Variants in SEMA3D observed in about 807,000 individuals in gnomAD.
SEMA3D encodes the protein semaphorin-3D.
A neutral mutation model predicts 100.1 loss-of-function variants in SEMA3D; 84 were observed. That is an observed-to-expected ratio of 0.84 (90% CI 0.70 to 1.01). The LOEUF is 1.01. SEMA3D is among the 50% of genes least tolerant of loss of function. SEMA3D has a pLI of 0.00. For missense variants in SEMA3D, 875 were observed against 934.1 expected (o/e 0.94, Z 0.82); for synonymous variants, 312 against 320.7 (o/e 0.97, Z 0.29).
At chr7:85,076,512 C>T (rs759597665) in intron 5 of SEMA3D, among the ~76,000 whole-genome samples, 6 of 152,046 alleles carry the variant, frequency 3.9e-5, no homozygotes, top group Admixed American at 3.3e-4. Flanking sequence ...AATAGAAGTA[C>T]TTGTAATTCT....
intron 1 of SEMA3D, among the ~76,000 whole-genome samples, chr7:85,173,513 G>A (rs1365669351): frequency 1.3e-5 from 2 of 152,098 alleles, no homozygotes; most frequent in African/African-American, 4.8e-5. Context: ...TCTTATGAAA[G>A]TATATACTTG....
At chr7:85,142,667 G>A (rs1562833312) in intron 2 of SEMA3D, 12 of 925,684 alleles carry the variant, frequency 1.3e-5, no homozygotes, top group South Asian at 5.1e-5. Context: ...AAGCAAAGAA[G>A]GATGGCATTT....
At chr7:85,095,872 A>G (rs879910214) in intron 4 of SEMA3D, among the ~76,000 whole-genome samples, 1 of 152,046 alleles carries the variant, frequency 6.6e-6, no homozygotes, top group Non-Finnish European at 1.5e-5. Context: ...AAATATTAGC[A>G]CATTTCATGC....
chr7:85,108,258 C>T (rs535040891), intron 3 of SEMA3D, among the ~76,000 whole-genome samples: 1 of 151,974 alleles, frequency 6.6e-6, no homozygotes, highest in Non-Finnish European at 1.5e-5. Flanking sequence ...TCTAATAAAG[C>T]TTTAACTCAC....
chr7:85,050,836 C>A (rs1791143969), intron 9 of SEMA3D: 1 of 445,082 alleles, frequency 2.2e-6, no homozygotes, highest in East Asian at 3.5e-5. Flanking sequence ...TGGTAACTAA[C>A]CTGCCCCTAA....
intron 12 of SEMA3D, chr7:85,028,535 A>C: frequency 3.1e-6 from 1 of 322,970 alleles, no homozygotes; most frequent in Non-Finnish European, 5.8e-6. Context: ...GGACTTTCAC[A>C]ACTGAAATGT....
intron 4 of SEMA3D, among the ~76,000 whole-genome samples, chr7:85,086,583 A>G (rs1788222293): frequency 6.6e-6 from 1 of 151,612 alleles, no homozygotes; most frequent in Non-Finnish European, 1.5e-5. Context: ...ATATAACAGC[A>G]TTCCACTATT....
chr7:85,197,353 C>G, the SEMA3D span, among the ~76,000 whole-genome samples: 310 of 152,296 alleles, frequency 2.0e-3, no homozygotes, highest in Non-Finnish European at 3.4e-3. Flanking sequence ...CTCCACAAAT[C>G]TTAACCTGAA....
chr7:85,203,005 A>T, the SEMA3D span, among the ~76,000 whole-genome samples: 1 of 152,224 alleles, frequency 6.6e-6, no homozygotes, highest in Non-Finnish European at 1.5e-5. Flanking sequence ...CAGGAAAGAC[A>T]GTTCATCTGT....
At position 85,033,106 on chromosome 7, in the gene SEMA3D, C is replaced by T. The variant is rs141807833; in HGVS notation, c.1191+3783G>A. Among the ~76,000 whole-genome samples, 763 of 152,076 alleles carry T rather than the reference C, an allele frequency of 5.0e-3. 5 individuals are homozygous for T. Among genetic ancestry groups the T allele is most frequent in the African/African-American group, 0.017 (716 of 41,512 alleles). ...AGTCCTAATCATGCTTTTGTTTTCC[C>T]AAGTTGTTAGAAAGTAAAAATTAAG... On this transcript the variant is annotated intron_variant, in intron 12 of 18. Coordinates refer to ENST00000284136, the MANE Select transcript of SEMA3D (RefSeq NM_001384900.1).
At chr7:85,234,010 T>C in the SEMA3D span, among the ~76,000 whole-genome samples, 1 of 152,228 alleles carries the variant, frequency 6.6e-6, no homozygotes, top group Admixed American at 6.5e-5. Flanking sequence ...TATCAATGTT[T>C]AGTTTCCTTA....
intron 2 of SEMA3D, among the ~76,000 whole-genome samples, chr7:85,146,623 A>G (rs1356280190): frequency 6.6e-6 from 1 of 151,978 alleles, no homozygotes; most frequent in Non-Finnish European, 1.5e-5. Context: ...TATTGGTAAA[A>G]AGAAATAAGT....
At position 84,998,697 on chromosome 7, in the gene SEMA3D, A is replaced by C. The variant is rs1789568173; in HGVS notation, c.*743T>G. The C allele has an allele frequency of 6.6e-6, 1 of 152,048 alleles. No individual in the cohort carries two copies. Among genetic ancestry groups the C allele is most frequent in the African/African-American group, 2.4e-5 (1 of 41,390 alleles). 9.4% of individuals were successfully genotyped at this position (152,048 alleles called of 1,614,324 possible). A position where few individuals can be genotyped will look rare whatever the true frequency, so the allele number is the denominator to read the frequency against. On this transcript the variant is annotated 3_prime_UTR_variant, in exon 19 of 19. Transcript: ENST00000284136. Reference sequence around the variant, plus strand: ...TAAAATATTTTCCCATATCTTATTAAAGTATTTATTAAGCATTCTGTCCCT... The same window carrying C: ...TAAAATATTTTCCCATATCTTATTACAGTATTTATTAAGCATTCTGTCCCT...
chr7:85,217,348 G>A, the SEMA3D span, among the ~76,000 whole-genome samples: 1 of 151,942 alleles, frequency 6.6e-6, no homozygotes, highest in Non-Finnish European at 1.5e-5. Flanking sequence ...CTGGCTACAT[G>A]CTTCAGTAAT....
chr7:85,179,272 G>A (rs1791328350), intron 1 of SEMA3D, among the ~76,000 whole-genome samples: 1 of 152,114 alleles, frequency 6.6e-6, no homozygotes, highest in Non-Finnish European at 1.5e-5. Context: ...TAGATCCACT[G>A]ACAGCTTGCA....
intron 3 of SEMA3D, among the ~76,000 whole-genome samples, chr7:85,103,491 G>C (rs79454680): frequency 0.01 from 1,548 of 151,924 alleles, 28 homozygotes; most frequent in African/African-American, 0.035. Context: ...TGCTTCACAC[G>C]TGCCATTGAG....
At chr7:85,245,909 T>C in the SEMA3D span, among the ~76,000 whole-genome samples, 2 of 152,008 alleles carry the variant, frequency 1.3e-5, no homozygotes, top group African/African-American at 4.8e-5. Flanking sequence ...CTAGGTGAGA[T>C]TGGAAGAATA....
At chr7:85,083,298 C>A (rs191210158) in intron 4 of SEMA3D, among the ~76,000 whole-genome samples, 13 of 152,070 alleles carry the variant, frequency 8.5e-5, no homozygotes, top group Admixed American at 4.6e-4. Flanking sequence ...ACGTGTTTAA[C>A]AACATAATTA....
chr7:85,219,179 G>A, the SEMA3D span, among the ~76,000 whole-genome samples: 475 of 152,134 alleles, frequency 3.1e-3, no homozygotes, highest in Admixed American at 7.0e-3. Context: ...GAAAGAGTTT[G>A]TGGTGGCATC....
Sources: gnomAD v4.1 joint callset for allele counts (sites outside exome capture counted in the v4.1 genomes callset) on GRCh38, gnomAD v4.1.1 for gene constraint, MANE v1.5 for transcripts, NCBI Gene and HGNC (gene_info 2026-07-23, HGNC 2026-07-21) for gene names.